Variants in BANP observed in about 807,000 individuals in gnomAD.
BANP encodes the protein protein BANP.
In BANP, 11 loss-of-function variants were observed where a neutral mutation model predicts 68.1. The ratio of observed to expected loss-of-function variants is 0.16; its 90% confidence interval spans 0.10 to 0.27. BANP has a LOEUF of 0.27. BANP is among the 10% of genes least tolerant of loss of function. BANP has a pLI of 1.00. For missense variants in BANP, 504 were observed against 722.7 expected, an observed-to-expected ratio of 0.70 and a Z score of 3.47; for synonymous variants, 329 against 303.2, an observed-to-expected ratio of 1.09 and a Z score of -0.88.
In BANP at chr16:88,071,024, G is replaced by C. The variant is rs1365043552; in HGVS notation, c.1378-1045G>C. ...GCCCTGGTCCGGCGCTGTCTCTGCA[G>C]TGTGTTTGCGGGGGCCAAGTTTGCT... On this transcript the variant is annotated intron_variant, in intron 12 of 13. Coordinates refer to ENST00000682872, the MANE Select transcript of BANP (RefSeq NM_001386991.1). This position sits in a 1 kb window ranked among gnomAD's most constrained non-coding sequence, Gnocchi z 6.5. 6.1e-6 allele frequency: 1 copy of C among 163,070 alleles called. No homozygotes were observed. Among genetic ancestry groups the C allele is most frequent in the Non-Finnish European group, 1.3e-5 (1 of 74,996 alleles). The allele number at this position is 163,070 out of a possible 1,614,324, so 10.1% of individuals were successfully genotyped here. A position where few individuals can be genotyped will look rare whatever the true frequency, so the allele number is the denominator to read the frequency against.
At chr16:87,978,069 C>G (rs922940744) in intron 2 of BANP, among the ~76,000 whole-genome samples, 1 of 152,218 alleles carries the variant, frequency 6.6e-6, no homozygotes, top group African/African-American at 2.4e-5. Context: ...CTCCTGACCT[C>G]AGGTGATCCA....
At chr16:87,993,287 A>G (rs2066345433) in intron 4 of BANP, among the ~76,000 whole-genome samples, 1 of 152,228 alleles carries the variant, frequency 6.6e-6, no homozygotes. Context: ...TGCTATGCCC[A>G]TCACCCAGTT....
chr16:87,978,925 C>T (rs8052593), intron 2 of BANP, among the ~76,000 whole-genome samples: 2 of 152,064 alleles, frequency 1.3e-5, no homozygotes, highest in Non-Finnish European at 2.9e-5. Context: ...TGGTCCCAAC[C>T]TCCTTCCTTT....
In BANP at chr16:88,057,200, C is replaced by T. The variant is rs1052547185; in HGVS notation, c.1312-8067C>T. Among the ~76,000 whole-genome samples the T allele has an allele frequency of 5.3e-5, 8 of 152,290 alleles. No individual in the cohort carries two copies. Among genetic ancestry groups the T allele is most frequent in the Non-Finnish European group, 1.2e-4 (8 of 68,034 alleles). Reference sequence around the variant, plus strand: ...TGTTGTGGTGGGGAGCGACTTCACACAGCTGGCACGGGATGCTTCGAAGTG... The same window carrying T: ...TGTTGTGGTGGGGAGCGACTTCACATAGCTGGCACGGGATGCTTCGAAGTG... On this transcript the variant is annotated intron_variant, in intron 11 of 13. Transcript: ENST00000682872. The surrounding 1 kb of genome is among the most constrained non-coding windows in gnomAD (Gnocchi z 4.6).
intron 6 of BANP, among the ~76,000 whole-genome samples, chr16:88,017,920 G>C (rs886751715): frequency 6.6e-6 from 1 of 152,196 alleles, no homozygotes; most frequent in Non-Finnish European, 1.5e-5. Flanking sequence ...GCAGAGGCAA[G>C]GACTGGCATT....
At position 87,988,670 on chromosome 16, in the gene BANP, C is replaced by G. The variant is rs773467065; in HGVS notation, c.362+4411C>G. 1.1e-4 allele frequency among the ~76,000 whole-genome samples: 16 copies of G among 152,324 alleles called. No individual in the cohort carries two copies. In the South Asian group the frequency reaches 2.3e-3, roughly 22 times the overall value. Reference sequence around the variant, plus strand: ...AGCCCGGGGTTCCCAGGGCTCACTCCTTGCTGTGAGGGATTAGCTGGGGAG... The same window carrying G: ...AGCCCGGGGTTCCCAGGGCTCACTCGTTGCTGTGAGGGATTAGCTGGGGAG... On this transcript the variant is annotated intron_variant, in intron 4 of 13. Transcript: ENST00000682872.
At chr16:88,052,341 G>C (rs537636797) in intron 11 of BANP, among the ~76,000 whole-genome samples, 8 of 152,130 alleles carry the variant, frequency 5.3e-5, no homozygotes, top group Non-Finnish European at 1.0e-4. Context: ...TTAGAGACTT[G>C]CTTTCTCCTA....
chr16:88,022,911 C>T (rs1351556057), intron 7 of BANP, among the ~76,000 whole-genome samples: 1 of 152,214 alleles, frequency 6.6e-6, no homozygotes, highest in Non-Finnish European at 1.5e-5. Context: ...TAATGAATCA[C>T]ATCTGCAGAG....
At chr16:88,028,031 G>A (rs1377284451) in intron 8 of BANP, among the ~76,000 whole-genome samples, 1 of 152,182 alleles carries the variant, frequency 6.6e-6, no homozygotes, top group Non-Finnish European at 1.5e-5. Context: ...CTTTATTTTT[G>A]CTTTGAGTTC....
intron 1 of BANP, among the ~76,000 whole-genome samples, chr16:87,969,230 T>TTTGTTG (rs72032414): frequency 1.3e-5 from 2 of 150,466 alleles, no homozygotes; most frequent in Admixed American, 6.6e-5. Flanking sequence ...CTTACGTTGT[T>TTTGTTG]TTGTTGTTGT....
intron 2 of BANP, 70 bp from the exon 3 acceptor site, chr16:87,980,966 A>G: frequency 1.9e-6 from 2 of 1,069,948 alleles, no homozygotes; most frequent in South Asian, 1.3e-5. Flanking sequence ...ACTGTTTACT[A>G]TCTTAATGTT....
intron 9 of BANP, among the ~76,000 whole-genome samples, 184 bp downstream of exon 9, chr16:88,033,429 G>T (rs1479982413): frequency 3.3e-5 from 5 of 152,166 alleles, no homozygotes; most frequent in East Asian, 3.9e-4. Flanking sequence ...TTTCACAGGT[G>T]GGGGCGGCTG....
intron 11 of BANP, among the ~76,000 whole-genome samples, chr16:88,052,045 C>G (rs1461811608): frequency 6.6e-6 from 1 of 152,220 alleles, no homozygotes; most frequent in Non-Finnish European, 1.5e-5. Flanking sequence ...TCTTGAAGCA[C>G]TGTATCTGGA....
chr16:88,006,631 G>A (rs370658432), intron 6 of BANP, among the ~76,000 whole-genome samples: 3 of 142,664 alleles, frequency 2.1e-5, no homozygotes, highest in African/African-American at 7.8e-5. Flanking sequence ...GGCAATAGAG[G>A]AAACTCCATC....
intron 2 of BANP, among the ~76,000 whole-genome samples, chr16:87,979,094 A>G (rs548014854): frequency 5.9e-5 from 9 of 152,334 alleles, no homozygotes; most frequent in Admixed American, 1.3e-4. Context: ...TTAGAACTGC[A>G]GGACGATTCA....
At chr16:88,058,366 C>T (rs554233302) in intron 11 of BANP, among the ~76,000 whole-genome samples, 17 of 152,280 alleles carry the variant, frequency 1.1e-4, no homozygotes, top group South Asian at 2.1e-4. Flanking sequence ...CAGGCGCCTT[C>T]GTCGACTGAG....
intron 3 of BANP, among the ~76,000 whole-genome samples, chr16:87,981,611 T>A (rs1036413391): frequency 1.1e-4 from 17 of 152,260 alleles, no homozygotes; most frequent in African/African-American, 4.1e-4. Flanking sequence ...GATGTGGCTA[T>A]ATCACCAGGC....
At chr16:88,069,871 T>C (rs886833517) in intron 12 of BANP, among the ~76,000 whole-genome samples, 4 of 152,134 alleles carry the variant, frequency 2.6e-5, no homozygotes, top group African/African-American at 7.2e-5. Context: ...AAAATTATAC[T>C]GAGTGTGCCT....
intron 1 of BANP, among the ~76,000 whole-genome samples, chr16:87,955,033 G>A (rs1000021849): frequency 6.6e-6 from 1 of 152,224 alleles, no homozygotes; most frequent in Non-Finnish European, 1.5e-5. Flanking sequence ...AGCGTACCTG[G>A]GCAAGGCCCG....
Sources: gnomAD v4.1 joint callset for allele counts (sites outside exome capture counted in the v4.1 genomes callset) on GRCh38, gnomAD v4.1.1 for gene constraint, Gnocchi (gnomAD v3.1) non-coding constraint, MANE v1.5 for transcripts, NCBI Gene and HGNC (gene_info 2026-07-23, HGNC 2026-07-21) for gene names.